Variants in CIDEA observed in about 807,000 individuals in gnomAD.
The protein encoded by CIDEA is lipid transferase CIDEA.
In CIDEA, 10 loss-of-function variants were observed where a neutral mutation model predicts 18.2. The ratio of observed to expected loss-of-function variants is 0.55; its 90% CI spans 0.34 to 0.93. The LOEUF (loss-of-function observed/expected upper bound fraction) is 0.93, where lower values mean the gene tolerates loss of function less well. CIDEA is among the 40% of genes least tolerant of loss of function. The pLI is 0.02. For synonymous variants in CIDEA, 128 were observed against 124.8 expected (o/e 1.03, Z -0.17); for missense variants, 309 against 293.1 (o/e 1.05, Z -0.40).
chr18:12,268,383 T>TG (rs1404564344), intron 3 of CIDEA, among the ~76,000 whole-genome samples: 1 of 147,038 alleles, frequency 6.8e-6, no homozygotes, highest in Non-Finnish European at 1.5e-5. Flanking sequence ...CCCAGTGGTT[T>TG]TTTTTTTTTT....
At chr18:12,255,674 C>T (rs924921034) in intron 1 of CIDEA, among the ~76,000 whole-genome samples, 2 of 152,196 alleles carry the variant, frequency 1.3e-5, no homozygotes, top group Non-Finnish European at 2.9e-5. Flanking sequence ...CACAACACAC[C>T]CACTGTTCCT....
intron 1 of CIDEA, 147 bp downstream of exon 1, chr18:12,254,568 G>GCACACACCCATCCGCA: frequency 6.5e-7 from 1 of 1,528,816 alleles, no homozygotes; most frequent in Non-Finnish European, 8.8e-7. Flanking sequence ...GCGACCCCGC[G>GCACACACCCATCCGCA]CACACACCCA....
chr18:12,273,602 G>T (rs1429323536), intron 3 of CIDEA, among the ~76,000 whole-genome samples: 2 of 152,158 alleles, frequency 1.3e-5, no homozygotes, highest in African/African-American at 4.8e-5. Flanking sequence ...GAGGTGCTCT[G>T]GGAAGGTGCC....
chr18:12,273,965 T>C, intron 3 of CIDEA, 128 bp from the exon 4 acceptor site: 1 of 941,276 alleles, frequency 1.1e-6, no homozygotes, highest in South Asian at 1.6e-5. Flanking sequence ...CTCTATCGAT[T>C]AGCCACGGAG....
intron 2 of CIDEA, among the ~76,000 whole-genome samples, 170 bp downstream of exon 2, chr18:12,263,139 G>A (rs1912247109): frequency 6.6e-6 from 1 of 152,228 alleles, no homozygotes; most frequent in Non-Finnish European, 1.5e-5. Context: ...TGGTTATGGA[G>A]TTTCTTTTTC....
At chr18:12,266,398 A>G (rs913196315) in intron 3 of CIDEA, among the ~76,000 whole-genome samples, 50 of 152,016 alleles carry the variant, frequency 3.3e-4, no homozygotes, top group African/African-American at 1.2e-3. Context: ...AAGGCTGCAG[A>G]GAGTCATGAT....
chr18:12,274,612 G>A (rs1912654224), intron 4 of CIDEA, among the ~76,000 whole-genome samples: 1 of 152,180 alleles, frequency 6.6e-6, no homozygotes, highest in South Asian at 2.1e-4. Flanking sequence ...GGAGGTCGTG[G>A]CCGGGTTTGT....
chr18:12,257,074 T>G (rs1912058565), intron 1 of CIDEA, among the ~76,000 whole-genome samples: 2 of 152,178 alleles, frequency 1.3e-5, no homozygotes, highest in Admixed American at 1.3e-4. Flanking sequence ...CCTCTGACAC[T>G]GTCTCTACAG....
chr18:12,256,635 T>A (rs1912043634), intron 1 of CIDEA, among the ~76,000 whole-genome samples: 1 of 152,242 alleles, frequency 6.6e-6, no homozygotes, highest in Admixed American at 6.5e-5. Context: ...AAGCTTCGTG[T>A]GAAATGGCTG....
chr18:12,264,919 G>T (rs1312988667), intron 3 of CIDEA, among the ~76,000 whole-genome samples: 1 of 152,220 alleles, frequency 6.6e-6, no homozygotes, highest in Non-Finnish European at 1.5e-5. Flanking sequence ...CCCTCAAAGG[G>T]ATTCTTACAA....
chr18:12,276,947 G>C (rs905541140), intron 4 of CIDEA, among the ~76,000 whole-genome samples, 176 bp from the exon 5 acceptor site: 1 of 152,230 alleles, frequency 6.6e-6, no homozygotes, highest in Non-Finnish European at 1.5e-5. Context: ...CACGGCAGCT[G>C]CATCTGTGCC....
chr18:12,266,907 C>A (rs6505740), intron 3 of CIDEA, among the ~76,000 whole-genome samples: 1 of 151,968 alleles, frequency 6.6e-6, no homozygotes, highest in African/African-American at 2.4e-5. Context: ...ACTACAGGCA[C>A]GTGCCACCAC....
At chr18:12,275,494 T>A (rs1905299557) in intron 4 of CIDEA, among the ~76,000 whole-genome samples, 1 of 152,210 alleles carries the variant, frequency 6.6e-6, no homozygotes, top group Non-Finnish European at 1.5e-5. Context: ...AGGGAGTGGA[T>A]GGGAGAGTGG....
At chr18:12,273,896 C>G (rs1003299343) in intron 3 of CIDEA, among the ~76,000 whole-genome samples, 197 bp from the exon 4 acceptor site, 1 of 152,226 alleles carries the variant, frequency 6.6e-6, no homozygotes, top group African/African-American at 2.4e-5. Context: ...GGGACAGACG[C>G]CTCGTGGCTA....
chr18:12,259,184 C>G (rs1912122168), intron 1 of CIDEA, among the ~76,000 whole-genome samples: 1 of 152,176 alleles, frequency 6.6e-6, no homozygotes, highest in Non-Finnish European at 1.5e-5. Context: ...CTGACAGGTC[C>G]GGAGCCCCAA....
At chr18:12,255,704 G>A (rs11080560) in intron 1 of CIDEA, among the ~76,000 whole-genome samples, 58,971 of 152,016 alleles carry the variant, frequency 0.39, 13,322 homozygotes, top group East Asian at 0.7. Context: ...GGGGGAAGGA[G>A]GTGTGGGCTG....
chr18:12,263,313 T>G (rs1912251635), intron 2 of CIDEA, among the ~76,000 whole-genome samples: 1 of 152,034 alleles, frequency 6.6e-6, no homozygotes, highest in African/African-American at 2.4e-5. Context: ...GCCAACTCTG[T>G]GAGCATACCA....
chr18:12,255,568 C>T (rs1912009037), intron 1 of CIDEA, among the ~76,000 whole-genome samples: 1 of 152,192 alleles, frequency 6.6e-6, no homozygotes, highest in South Asian at 2.1e-4. Context: ...GTATCTTTTG[C>T]GTTCTTCCAG....
At chr18:12,263,755 A>G (rs1182171425) in intron 2 of CIDEA, 1 of 152,326 alleles carries the variant, frequency 6.6e-6, no homozygotes, top group African/African-American at 2.4e-5. Flanking sequence ...AGAAACAAGC[A>G]TCCAACATGC....
Sources: allele counts gnomAD v4.1 joint callset (sites outside exome capture counted in the v4.1 genomes callset), GRCh38; gene constraint gnomAD v4.1.1; transcripts MANE v1.5; gene names NCBI Gene and HGNC (gene_info 2026-07-23, HGNC 2026-07-21).